Variants in GHR observed in about 807,000 individuals in gnomAD.
The protein encoded by GHR is growth hormone receptor, also known as GH receptor.
GHR carries 35 observed loss-of-function variants against 67.1 expected under a neutral mutation model. The ratio of observed to expected loss-of-function variants is 0.52; its 90% CI spans 0.40 to 0.69. The LOEUF (loss-of-function observed/expected upper bound fraction) is 0.69. Ranked by LOEUF, GHR falls within the 30% of genes least tolerant of loss-of-function variation. GHR has a pLI of 0.00. For missense variants in GHR, 792 were observed against 764.6 expected, an observed-to-expected ratio of 1.04 and a Z score of -0.42; for synonymous variants, 272 against 269.1, an observed-to-expected ratio of 1.01 and a Z score of -0.10.
chr5:42,470,156 TAATA>T (rs1434915631), intron 1 of GHR, among the ~76,000 whole-genome samples: 1 of 144,156 alleles, frequency 6.9e-6, no homozygotes, highest in Admixed American at 7.0e-5. Flanking sequence ...CTATATATTA[TAATA>T]TATAAGATAT....
chr5:42,565,343 C>G (rs924020116), intron 1 of GHR: 3 of 472,196 alleles, frequency 6.4e-6, no homozygotes, highest in African/African-American at 2.1e-5. Flanking sequence ...TCTAGTTAAA[C>G]CTCTTTAGGA....
Position 42,713,209 on chromosome 5 carries a change from G to GT in GHR, c.785-211dup, listed in dbSNP as rs201686024. 7.3e-5 allele frequency among the ~76,000 whole-genome samples: 11 copies of GT among 151,034 alleles called. No individual in the cohort carries two copies. In the East Asian group the frequency reaches 1.4e-3, roughly 19 times the overall value. The stretch of plus-strand genomic sequence containing the variant: ...CTATATGCTGTTTCTTTATTTTGAA[G>GT]TTTTTTTTTAATGTGAGGAGATTTG... On this transcript the variant is annotated intron_variant, in intron 7 of 9. Transcript: ENST00000230882.
intron 2 of GHR, among the ~76,000 whole-genome samples, chr5:42,567,980 G>A (rs1750046836): frequency 6.6e-6 from 1 of 152,158 alleles, no homozygotes; most frequent in East Asian, 1.9e-4. Flanking sequence ...GTCTCCTATT[G>A]AATAAGGCAG....
intron 1 of GHR, among the ~76,000 whole-genome samples, chr5:42,488,257 G>A (rs1745965524): frequency 6.6e-6 from 1 of 152,094 alleles, no homozygotes; most frequent in Admixed American, 6.5e-5. Flanking sequence ...TAGTACACAT[G>A]ACAATTTGGT....
At chr5:42,678,250 T>C (rs912589976) in intron 3 of GHR, among the ~76,000 whole-genome samples, 1 of 152,232 alleles carries the variant, frequency 6.6e-6, no homozygotes, top group African/African-American at 2.4e-5. Flanking sequence ...CTCTACCCAG[T>C]ATTATCAAAA....
intron 3 of GHR, among the ~76,000 whole-genome samples, chr5:42,685,095 C>G (rs1164832517): frequency 3.3e-5 from 5 of 152,102 alleles, no homozygotes; most frequent in African/African-American, 1.2e-4. Flanking sequence ...CCTCCCCCAG[C>G]CCCACAGCCC....
At chr5:42,539,477 G>A (rs1748404553) in intron 1 of GHR, among the ~76,000 whole-genome samples, 1 of 152,194 alleles carries the variant, frequency 6.6e-6, no homozygotes, top group African/African-American at 2.4e-5. Flanking sequence ...ACCTGGCTCT[G>A]AGCTGGTACT....
At chr5:42,486,712 T>C (rs1745896579) in intron 1 of GHR, among the ~76,000 whole-genome samples, 1 of 152,040 alleles carries the variant, frequency 6.6e-6, no homozygotes, top group African/African-American at 2.4e-5. Context: ...CCGGGCGTCG[T>C]GGCGGGCACC....
At position 42,438,225 on chromosome 5, in the gene GHR, T is replaced by G. The variant is rs113447344; in HGVS notation, c.-12+14270T>G. ...ACCCATGATCGACCTAATTGTACACTTGGTGAAACTATGATGTAGGGAGGT... is the reference window on the plus strand; with the variant it reads ...ACCCATGATCGACCTAATTGTACACGTGGTGAAACTATGATGTAGGGAGGT... On this transcript the variant is annotated intron_variant, in intron 1 of 9. Coordinates refer to ENST00000230882, the MANE Select transcript of GHR (RefSeq NM_000163.5). Among the ~76,000 whole-genome samples, 386 of 152,332 alleles carry G rather than the reference T, an allele frequency of 2.5e-3. 2 individuals are homozygous for G. Among genetic ancestry groups the G allele is most frequent in the African/African-American group, 8.8e-3 (367 of 41,590 alleles).
Sources: gnomAD v4.1 joint callset for allele counts (sites outside exome capture counted in the v4.1 genomes callset) on GRCh38, gnomAD v4.1.1 for gene constraint, MANE v1.5 for transcripts, NCBI Gene and HGNC (gene_info 2026-07-23, HGNC 2026-07-21) for gene names.